KTN1: variants seen among roughly 807,000 people sequenced by gnomAD.
KTN1 encodes kinectin 1, also known as kinectin.
KTN1 carries 130 observed loss-of-function variants against 222.5 expected under a neutral mutation model. That is an observed-to-expected ratio of 0.58 (90% CI 0.51 to 0.68). KTN1 has a LOEUF of 0.68. KTN1 is among the 30% of genes least tolerant of loss of function. KTN1 has a pLI of 0.00. For missense variants in KTN1, 1,508 were observed against 1,500.4 expected (o/e 1.01, Z -0.08); for synonymous variants, 512 against 496.3 (o/e 1.03, Z -0.42).
chr14:55,659,595 G>T, intron 30 of KTN1, 71 bp from the exon 31 acceptor site: 1 of 910,780 alleles, frequency 1.1e-6, no homozygotes, highest in South Asian at 1.4e-5. Context: ...ATTTATATTT[G>T]AGAAAAGCTT....
At chr14:55,656,172 TTG>T (rs2043447658) in intron 29 of KTN1, 40 bp downstream of exon 29, 2 of 1,366,758 alleles carry the variant, frequency 1.5e-6, no homozygotes, top group African/African-American at 2.9e-5. Context: ...TTGTAAATTA[TTG>T]TCTTTGCATG....
intron 43 of KTN1, chr14:55,680,719 T>C: frequency 7.3e-7 from 1 of 1,366,102 alleles, no homozygotes; most frequent in South Asian, 1.1e-5. Flanking sequence ...TGACACATGC[T>C]CTCCTTCAAA....
chr14:55,659,833 A>T, intron 31 of KTN1, 130 bp downstream of exon 31: 1 of 597,472 alleles, frequency 1.7e-6, no homozygotes, highest in Non-Finnish European at 3.0e-6. Flanking sequence ...GGATATCTTG[A>T]ATTGCAGTTT....
intron 24 of KTN1, 94 bp from the exon 25 acceptor site, chr14:55,651,796 G>C: frequency 2.6e-6 from 2 of 769,192 alleles, no homozygotes; most frequent in Non-Finnish European, 4.3e-6. Flanking sequence ...TAGTTTCTTT[G>C]TAATTTGAAG....
At chr14:55,629,879 C>A in intron 6 of KTN1, 78 bp from the exon 7 acceptor site, 1 of 942,938 alleles carries the variant, frequency 1.1e-6, no homozygotes, top group Non-Finnish European at 1.6e-6. Context: ...TGTTAAATAA[C>A]ATCATTGTTT....
Position 55,619,284 on chromosome 14 carries a change from C to A in KTN1, c.935C>A (p.Ser312Tyr). 6.2e-7 allele frequency: 1 copy of A among 1,613,460 alleles called. No homozygotes were observed. Among genetic ancestry groups the A allele is most frequent in the South Asian group, 1.1e-5 (1 of 91,060 alleles). ...GTTGTAGACTTGCTAAAGGAGAAGT[C>A]TGGTGTAATACAAGATGCTTTAAAG... ...LCVVDLLKEK[S>Y]GVIQDALKKS... Residue 312 changes from serine to tyrosine, a missense_variant, in exon 5 of 44, where the codon TCT becomes TAT. Ser to Tyr is a moderately radical substitution (Grantham distance 144). Coordinates refer to ENST00000395314, the MANE Select transcript of KTN1 (RefSeq NM_001079521.2).
Position 55,640,393 on chromosome 14 carries a change from T to C in KTN1, c.1934T>C (p.Phe645Ser), listed in dbSNP as rs751843658. The change falls in exon 15 of 44, where the codon TTC becomes TCC. Residue 645 changes from phenylalanine (F) to serine (S), a missense_variant. Phe to Ser is a radical substitution (Grantham distance 155, BLOSUM62 -2). Coordinates refer to ENST00000395314, the MANE Select transcript of KTN1 (RefSeq NM_001079521.2). The part of the protein sequence containing the change: ...EELKDIQNMN[F>S]LLKAEVQKLQ... ...TTCTAGGATATACAGAATATGAATT[T>C]CTTATTAAAAGCTGAAGTGCAGAAA... The C allele has an allele frequency of 6.2e-7, 1 of 1,604,154 alleles. No homozygotes were observed. Among genetic ancestry groups the C allele is most frequent in the Non-Finnish European group, 8.5e-7 (1 of 1,172,966 alleles).
intron 1 of KTN1, among the ~76,000 whole-genome samples, chr14:55,584,469 A>G (rs932680977): frequency 1.3e-5 from 2 of 152,254 alleles, no homozygotes; most frequent in Non-Finnish European, 1.5e-5. Flanking sequence ...GACAAGTGCC[A>G]TGGAGGAAAC....
chr14:55,603,790 C>T (rs577096678), intron 1 of KTN1, among the ~76,000 whole-genome samples: 5 of 152,294 alleles, frequency 3.3e-5, no homozygotes, highest in East Asian at 1.9e-4. Context: ...TCCTTATCTC[C>T]AGCCTTAACC....
At chr14:55,616,967 T>G (rs74053630) in intron 3 of KTN1, among the ~76,000 whole-genome samples, 3,616 of 152,324 alleles carry the variant, frequency 0.024, 128 homozygotes, top group African/African-American at 0.078. Context: ...TCTTGAAATT[T>G]TGTGCTTTTT....
At chr14:55,669,376 C>T (rs2045224749) in intron 34 of KTN1, among the ~76,000 whole-genome samples, 1 of 151,932 alleles carries the variant, frequency 6.6e-6, no homozygotes, top group African/African-American at 2.4e-5. Context: ...ATATAGTCTA[C>T]AAGAAATGTA....
At chr14:55,584,001 C>T (rs1233235110) in intron 1 of KTN1, among the ~76,000 whole-genome samples, 1 of 152,206 alleles carries the variant, frequency 6.6e-6, no homozygotes. Flanking sequence ...GCAAGCCATT[C>T]TTATCTCTTA....
At chr14:55,670,546 A>C (rs1020541175) in intron 34 of KTN1, among the ~76,000 whole-genome samples, 183 bp from the exon 35 acceptor site, 3 of 151,994 alleles carry the variant, frequency 2.0e-5, no homozygotes, top group Non-Finnish European at 2.9e-5. Context: ...TTGTTTTTCA[A>C]AGTGGGTTAT....
rs1302828693 is a variant in KTN1 at position 55,641,693 on chromosome 14, T to C, written c.2105T>C (p.Ile702Thr). The stretch of plus-strand genomic sequence containing the variant: ...GTAAATTGAGACTCTTTCTTCCAGA[T>C]TCTAAATGACCAAAACAAAGCATTA... Reference protein sequence around the residue: ...EISNKMEEFKILNDQNKALKS... With the variant: ...EISNKMEEFKTLNDQNKALKS... The change falls in exon 18 of 44, where the codon ATT becomes ACT. Residue 702 changes from isoleucine to threonine, a missense_variant and splice_region_variant. Transcript: ENST00000395314. 2 of 1,583,960 alleles carry C rather than the reference T, an allele frequency of 1.3e-6. No homozygotes were observed. Among genetic ancestry groups the C allele is most frequent in the African/African-American group, 2.7e-5 (2 of 74,266 alleles).
intron 41 of KTN1, among the ~76,000 whole-genome samples, chr14:55,677,473 TAAAAAAAAAAAA>T (rs72424779): frequency 2.0e-5 from 2 of 98,324 alleles, no homozygotes; most frequent in Admixed American, 1.1e-4. Flanking sequence ...AAAGACTGTC[TAAAAAAAAAAAA>T]AAAAAAAAAA....
intron 34 of KTN1, 51 bp downstream of exon 34, chr14:55,667,381 T>A (rs764021040): frequency 9.2e-7 from 1 of 1,082,038 alleles, no homozygotes; most frequent in Non-Finnish European, 1.4e-6. Context: ...TCAAGAAAGG[T>A]GTGAATAAGC....
chr14:55,596,817 C>CA (rs2035120855), intron 1 of KTN1, among the ~76,000 whole-genome samples: 1 of 146,282 alleles, frequency 6.8e-6, no homozygotes, highest in Non-Finnish European at 1.5e-5. Flanking sequence ...TTTTTTTTGA[C>CA]AAAGTTTTTT....
Position 55,650,606 on chromosome 14 carries a change from T to C in KTN1, c.2534T>C (p.Ile845Thr). The change falls in exon 24 of 44, where the codon ATA becomes ACA. Residue 845 changes from isoleucine (I) to threonine (T), a missense_variant. Ile to Thr is a moderately conservative substitution (Grantham distance 89). Coordinates refer to ENST00000395314, the MANE Select transcript of KTN1 (RefSeq NM_001079521.2). ...GAAATAAAGGCTCTAAAAGAAGAAATAGGAAATGTCCAGCTTGAAAAGGCT... is the reference window on the plus strand; with the variant it reads ...GAAATAAAGGCTCTAAAAGAAGAAACAGGAAATGTCCAGCTTGAAAAGGCT... ...KQEIKALKEE[I>T]GNVQLEKAQQ... 2.5e-6 allele frequency: 4 copies of C among 1,612,564 alleles called. No individual in the cohort carries two copies. Among genetic ancestry groups the C allele is most frequent in the South Asian group, 1.1e-5 (1 of 91,006 alleles).
intron 1 of KTN1, among the ~76,000 whole-genome samples, chr14:55,600,911 T>TAACC (rs1325745151): frequency 6.6e-6 from 1 of 152,160 alleles, no homozygotes; most frequent in Admixed American, 6.5e-5. Context: ...TTAACCAGAT[T>TAACC]ATTTCCCATG....
Sources: allele counts gnomAD v4.1 joint callset (sites outside exome capture counted in the v4.1 genomes callset), GRCh38; gene constraint gnomAD v4.1.1; transcripts MANE v1.5; gene names NCBI Gene and HGNC (gene_info 2026-07-23, HGNC 2026-07-21).